SLC45A3: variants seen among roughly 807,000 people sequenced by gnomAD.
SLC45A3 encodes solute carrier family 45 member 3.
In SLC45A3, 17 loss-of-function variants were observed where a neutral mutation model predicts 35.3. The observed-to-expected ratio is 0.48, with a 90% CI of 0.33 to 0.72. The LOEUF is 0.72. Among genes scored for constraint, SLC45A3 ranks in the 30% least tolerant of loss-of-function variants. The pLI is 0.02. For synonymous variants in SLC45A3, 288 were observed against 334.3 expected, an observed-to-expected ratio of 0.86 and a Z score of 1.51; for missense variants, 597 against 731.7, an observed-to-expected ratio of 0.82 and a Z score of 2.12.
intron 4 of SLC45A3, among the ~76,000 whole-genome samples, chr1:205,661,208 CAAG>C (rs1671016041): frequency 6.6e-6 from 1 of 152,124 alleles, no homozygotes; most frequent in Non-Finnish European, 1.5e-5. Flanking sequence ...TAGGGCCAAC[CAAG>C]AAGGAGGTCC....
In SLC45A3 at chr1:205,657,949, G is replaced by A. The variant is rs780158184; in HGVS notation, c.*1285C>T. ...ATTCACCCCGCTAAATAAATAAGAC[G>A]ACATTATTGCAAACGGCACTTAAAC... On this transcript the variant is annotated 3_prime_UTR_variant, in exon 5 of 5. Coordinates refer to ENST00000367145, the MANE Select transcript of SLC45A3 (RefSeq NM_033102.3). 1.4e-5 allele frequency: 3 copies of A among 219,398 alleles called. No individual in the cohort carries two copies. The highest frequency in any genetic ancestry group is 1.2e-4 in the Admixed American group (2 of 17,192). The allele number at this position is 219,398 out of a possible 1,614,324, so 13.6% of individuals were successfully genotyped here.
intron 1 of SLC45A3, among the ~76,000 whole-genome samples, chr1:205,668,417 C>A (rs1309546672): frequency 6.6e-6 from 1 of 152,136 alleles, no homozygotes; most frequent in Non-Finnish European, 1.5e-5. Flanking sequence ...TTCAGTACCA[C>A]TTTTCTGGCC....
At chr1:205,668,709 G>C (rs1051573597) in intron 1 of SLC45A3, among the ~76,000 whole-genome samples, 5 of 152,124 alleles carry the variant, frequency 3.3e-5, no homozygotes, top group Non-Finnish European at 5.9e-5. Context: ...GAAGTAGAGG[G>C]GCTGACCTCT....
In SLC45A3 at chr1:205,669,246, C is replaced by T. The variant is rs2102406862; in HGVS notation, c.-230-4360G>A. Among the ~76,000 whole-genome samples, 1 of 152,272 alleles carries T rather than the reference C, an allele frequency of 6.6e-6. No homozygotes were observed. The highest frequency in any genetic ancestry group is 1.9e-4 in the East Asian group (1 of 5,184). The stretch of plus-strand genomic sequence containing the variant: ...ATAAACCCTCCTGGACTGGAAAGCC[C>T]CCACTTCAGACCAGACCCCAAAAAG... On this transcript the variant is annotated intron_variant, in intron 1 of 4. Coordinates refer to ENST00000367145, the MANE Select transcript of SLC45A3 (RefSeq NM_033102.3). This position sits in a 1 kb window ranked among gnomAD's most constrained non-coding sequence, Gnocchi z 4.1.
intron 1 of SLC45A3, among the ~76,000 whole-genome samples, chr1:205,675,413 A>T (rs181300245): frequency 1.3e-5 from 2 of 152,198 alleles, no homozygotes; most frequent in East Asian, 3.9e-4. Flanking sequence ...GAGACAGGAG[A>T]TCAGACAGAA....
At position 205,680,464 on chromosome 1, in the gene SLC45A3, C is replaced by G. The variant is rs945169510; in HGVS notation, c.-301G>C. 1.3e-5 allele frequency: 2 copies of G among 152,702 alleles called. No homozygotes were observed. Among genetic ancestry groups the G allele is most frequent in the Admixed American group, 6.5e-5 (1 of 15,312 alleles). 9.5% of individuals were successfully genotyped at this position (152,702 alleles called of 1,614,324 possible). ...TGGTTCCGCCCCCCCTTCCTTGCCC[C>G]CCACGCGCGCCAGCCGGCGGCTTTT... On this transcript the variant is annotated 5_prime_UTR_variant, in exon 1 of 5. Transcript: ENST00000367145.
rs1456316212 is a variant in SLC45A3, at chr1:205,662,282, A to G, written c.959-156T>C. On this transcript the variant is annotated intron_variant, in intron 3 of 4. Transcript: ENST00000367145. This position sits in a 1 kb window ranked among gnomAD's most constrained non-coding sequence, Gnocchi z 6.2. ...ACCCTTCCCCTTTCTACCTCTAGCA[A>G]TGGGAGTCTAGGTTCTTCCACTGAC... The G allele has an allele frequency of 7.7e-6, 11 of 1,431,514 alleles. No homozygotes were observed. The highest frequency in any genetic ancestry group is 2.9e-5 in the Admixed American group (1 of 35,020). 88.7% of individuals were successfully genotyped at this position (1,431,514 alleles called of 1,614,324 possible). A position where few individuals can be genotyped will look rare whatever the true frequency, so the allele number is the denominator to read the frequency against.
At chr1:205,678,462 G>A (rs1335680949) in intron 1 of SLC45A3, among the ~76,000 whole-genome samples, 1 of 152,094 alleles carries the variant, frequency 6.6e-6, no homozygotes, top group African/African-American at 2.4e-5. Flanking sequence ...GAGAGCTCCA[G>A]TCTGGGTAAG....
chr1:205,679,485 T>C (rs1478245732), intron 1 of SLC45A3, among the ~76,000 whole-genome samples: 1 of 151,936 alleles, frequency 6.6e-6, no homozygotes, highest in Non-Finnish European at 1.5e-5. Flanking sequence ...AGCATGCAGG[T>C]CCCTGGGGCT....
At position 205,666,380 on chromosome 1, in the gene SLC45A3, C is replaced by A. The variant is rs1671117647; in HGVS notation, c.-230-1494G>T. ...AAAATTATCCAGGCGTGGTAGTATG[C>A]ACCTGTGGTCCCAGCTACTTAAGAG... On this transcript the variant is annotated intron_variant, in intron 1 of 4. Transcript: ENST00000367145. This position sits in a 1 kb window ranked among gnomAD's most constrained non-coding sequence, Gnocchi z 4.1. Among the ~76,000 whole-genome samples the A allele has an allele frequency of 6.6e-6, 1 of 152,184 alleles. No homozygotes were observed. Among genetic ancestry groups the A allele is most frequent in the African/African-American group, 2.4e-5 (1 of 41,438 alleles).
Position 205,663,093 on chromosome 1 carries a change from G to A in SLC45A3, c.698C>T (p.Ser233Leu), listed in dbSNP as rs780752998. ...GCAGTGGGGCGACAAGGAGGGGGCC[G>A]ACAGCCCTTCTGCTGGCTCGGTGGG... Reference protein sequence around the residue: ...LGPTEPAEGLSAPSLSPHCCP... With the variant: ...LGPTEPAEGLLAPSLSPHCCP... The change falls in exon 3 of 5, where the codon TCG becomes TTG. Residue 233 changes from serine (S) to leucine (L), a missense_variant. Transcript: ENST00000367145. 5.7e-6 allele frequency: 9 copies of A among 1,578,916 alleles called. No homozygotes were observed. The highest frequency in any genetic ancestry group is 1.3e-5 in the African/African-American group (1 of 74,552).
rs1407516387 is a variant in SLC45A3, at chr1:205,664,005, T to C, written c.173-387A>G. ...GCTTTTGTAGAATTTATCTGCAGAG[T>C]CAGGAGTCCACCCCTTGTCCTAGGG... On this transcript the variant is annotated intron_variant, in intron 2 of 4. Coordinates refer to ENST00000367145, the MANE Select transcript of SLC45A3 (RefSeq NM_033102.3). The surrounding 1 kb of genome is among the most constrained non-coding windows in gnomAD (Gnocchi z 5.3). Among the ~76,000 whole-genome samples, 1 of 151,962 alleles carries C rather than the reference T, an allele frequency of 6.6e-6. No individual in the cohort carries two copies. The highest frequency in any genetic ancestry group is 1.5e-5 in the Non-Finnish European group (1 of 67,976).
intron 1 of SLC45A3, among the ~76,000 whole-genome samples, chr1:205,678,546 G>A (rs532899776): frequency 6.6e-6 from 1 of 152,226 alleles, no homozygotes; most frequent in Middle Eastern, 3.4e-3. Flanking sequence ...AGACCACCAG[G>A]GATCACTGTC....
chr1:205,668,895 A>G (rs1002002066), intron 1 of SLC45A3, among the ~76,000 whole-genome samples: 4 of 152,100 alleles, frequency 2.6e-5, no homozygotes, highest in Non-Finnish European at 5.9e-5. Flanking sequence ...CCTTGGGGGA[A>G]AAGAATCAAA....
chr1:205,673,423 T>C (rs1663973325), intron 1 of SLC45A3, among the ~76,000 whole-genome samples: 12 of 152,192 alleles, frequency 7.9e-5, no homozygotes, highest in Admixed American at 7.9e-4. Context: ...ATGGCTTTCC[T>C]CCTACTGAAC....
In SLC45A3 at chr1:205,662,291, T is replaced by C. The variant is rs1671040999; in HGVS notation, c.959-165A>G. The C allele has an allele frequency of 7.0e-7, 1 of 1,429,434 alleles. No individual in the cohort carries two copies. Among genetic ancestry groups the C allele is most frequent in the South Asian group, 1.5e-5 (1 of 66,350 alleles). 88.5% of individuals were successfully genotyped at this position (1,429,434 alleles called of 1,614,324 possible). A position where few individuals can be genotyped will look rare whatever the true frequency, so the allele number is the denominator to read the frequency against. ...CTTTCTACCTCTAGCAATGGGAGTC[T>C]AGGTTCTTCCACTGACCCTCAGAGA... On this transcript the variant is annotated intron_variant, in intron 3 of 4. Coordinates refer to ENST00000367145, the MANE Select transcript of SLC45A3 (RefSeq NM_033102.3). The surrounding 1 kb of genome is among the most constrained non-coding windows in gnomAD (Gnocchi z 6.2).
At position 205,679,685 on chromosome 1, in the gene SLC45A3, AACACACACACACACACACACAC is replaced by A. The variant is rs55762304; in HGVS notation, c.-231+687_-231+708del. Among the ~76,000 whole-genome samples, 27 of 138,854 alleles carry A rather than the reference AACACACACACACACACACACAC, an allele frequency of 1.9e-4. No homozygotes were observed. In the East Asian group the frequency reaches 2.1e-3, roughly 11 times the overall value. 91.1% of individuals were successfully genotyped at this position (138,854 alleles called of 152,430 possible). ...ACTGAGGCTGAAAAGGGGACACAGT[AACACACACACACACACACACAC>A]ACACACACACACACACACGGTCCAG... On this transcript the variant is annotated intron_variant, in intron 1 of 4. Coordinates refer to ENST00000367145, the MANE Select transcript of SLC45A3 (RefSeq NM_033102.3).
rs1361471757 is a variant in SLC45A3 at position 205,659,928 on chromosome 1, G to C, written c.1225-257C>G. ...AGTCTAGGTCTCCTCTAGCCTCTTA[G>C]AACAGGTAAGAGGCAGACAAACTCA... is the stretch of plus-strand genomic sequence containing the variant. On this transcript the variant is annotated intron_variant, in intron 4 of 4. Transcript: ENST00000367145. This position sits in a 1 kb window ranked among gnomAD's most constrained non-coding sequence, Gnocchi z 5.8. Among the ~76,000 whole-genome samples the C allele has an allele frequency of 6.6e-5, 10 of 152,164 alleles. No individual in the cohort carries two copies. The highest frequency in any genetic ancestry group is 5.9e-5 in the Non-Finnish European group (4 of 68,030).
chr1:205,663,727 T>C (rs1671070196), intron 2 of SLC45A3, 109 bp from the exon 3 acceptor site: 1 of 1,113,418 alleles, frequency 9.0e-7, no homozygotes, highest in East Asian at 2.5e-5. Context: ...TACTCGACAC[T>C]GTGCTACGTC....
Sources: allele counts gnomAD v4.1 joint callset (sites outside exome capture counted in the v4.1 genomes callset), GRCh38; gene constraint gnomAD v4.1.1; non-coding constraint Gnocchi (gnomAD v3.1); transcripts MANE v1.5; gene names NCBI Gene and HGNC (gene_info 2026-07-23, HGNC 2026-07-21).